The following SLC2A13 variants were observed in gnomAD, a reference collection of about 807,000 sequenced individuals.
SLC2A13 encodes solute carrier family 2 member 13, also known as proton myo-inositol cotransporter.
SLC2A13 carries 32 observed loss-of-function variants against 64.4 expected under a neutral mutation model. That is an observed-to-expected ratio of 0.50 (90% CI 0.37 to 0.67). SLC2A13 has a LOEUF of 0.67. SLC2A13 is among the 30% of genes least tolerant of loss of function. The pLI is 0.00. For missense variants in SLC2A13, 743 were observed against 829.2 expected (o/e 0.90, Z 1.28); for synonymous variants, 338 against 327.1 (o/e 1.03, Z -0.36).
intron 1 of SLC2A13, among the ~76,000 whole-genome samples, chr12:40,097,496 A>G (rs1370204712): frequency 2.0e-5 from 3 of 152,214 alleles, no homozygotes; most frequent in Non-Finnish European, 4.4e-5. Context: ...TATTCAGAAT[A>G]CATAAGGAAC....
chr12:40,069,423 C>G (rs1056751759), intron 1 of SLC2A13, among the ~76,000 whole-genome samples: 1 of 151,814 alleles, frequency 6.6e-6, no homozygotes, highest in African/African-American at 2.4e-5. Flanking sequence ...TGGGTGAAAA[C>G]TATGTGCATC....
intron 1 of SLC2A13, among the ~76,000 whole-genome samples, chr12:40,063,978 C>T (rs1411455525): frequency 1.3e-5 from 2 of 152,124 alleles, no homozygotes; most frequent in Non-Finnish European, 2.9e-5. Context: ...CATGGTGACT[C>T]ATGCCTGTAA....
At chr12:39,922,762 A>C (rs1181140724) in intron 4 of SLC2A13, among the ~76,000 whole-genome samples, 1 of 152,142 alleles carries the variant, frequency 6.6e-6, no homozygotes, top group East Asian at 1.9e-4. Flanking sequence ...TTCACTAAAT[A>C]CTGCCTCTAT....
chr12:39,834,813 C>T (rs1360548868), intron 6 of SLC2A13, among the ~76,000 whole-genome samples: 7 of 152,122 alleles, frequency 4.6e-5, no homozygotes, highest in African/African-American at 1.7e-4. Flanking sequence ...CAAAATTCTT[C>T]CAAATATTAC....
rs556615271 is a variant in SLC2A13 at position 39,759,332 on chromosome 12, C to CA, written c.*693dup. 71 of 151,154 alleles carry CA rather than the reference C, an allele frequency of 4.7e-4. No homozygotes were observed. Among genetic ancestry groups the CA allele is most frequent in the Middle Eastern group, 6.8e-3 (2 of 294 alleles). The allele number at this position is 151,154 out of a possible 1,614,324, so 9.4% of individuals were successfully genotyped here. A position where few individuals can be genotyped will look rare whatever the true frequency, so the allele number is the denominator to read the frequency against. On this transcript the variant is annotated 3_prime_UTR_variant, in exon 10 of 10. Transcript: ENST00000280871. The stretch of plus-strand genomic sequence containing the variant: ...GCAAATGTATGCCTTATCACTGATG[C>CA]AAAAAAAAGAAGTATGAAAACAACC...
At chr12:40,038,756 A>AAAAGGGAAAGGGAAGGGG (rs1480906319) in intron 2 of SLC2A13, among the ~76,000 whole-genome samples, 10 of 95,824 alleles carry the variant, frequency 1.0e-4, no homozygotes, top group Non-Finnish European at 8.1e-5. Context: ...AAAGAAAAGA[A>AAAAGGGAAAGGGAAGGGG]AAAGGGAAAG....
intron 3 of SLC2A13, among the ~76,000 whole-genome samples, chr12:39,984,810 G>C (rs1175694409): frequency 6.6e-6 from 1 of 152,118 alleles, no homozygotes; most frequent in Non-Finnish European, 1.5e-5. Flanking sequence ...TTACGGCTTT[G>C]TAAGTAGCAA....
rs763080488 is a variant in SLC2A13, at chr12:39,889,732, A to G, written c.1035-17771T>C. ...ATTTTTAGAGAGACGGGGTTTCACC[A>G]TGTTGGCCAGGATGGTCTTGATTTC... On this transcript the variant is annotated intron_variant, in intron 4 of 9. Coordinates refer to ENST00000280871, the MANE Select transcript of SLC2A13 (RefSeq NM_052885.4). Among the ~76,000 whole-genome samples the G allele has an allele frequency of 5.9e-5, 9 of 151,884 alleles. No homozygotes were observed. In the South Asian group the frequency reaches 8.4e-4, roughly 14 times the overall value.
intron 4 of SLC2A13, among the ~76,000 whole-genome samples, chr12:39,892,026 C>T (rs1944623360): frequency 2.0e-5 from 3 of 152,132 alleles, no homozygotes; most frequent in African/African-American, 7.2e-5. Context: ...TAATTCTACT[C>T]TCCTATAAAG....
At chr12:39,924,869 A>G (rs1174896591) in intron 4 of SLC2A13, among the ~76,000 whole-genome samples, 1 of 152,120 alleles carries the variant, frequency 6.6e-6, no homozygotes, top group East Asian at 1.9e-4. Context: ...AGTATGAAGA[A>G]TAAGTTTCTT....
rs1444996906 is a variant in SLC2A13, at chr12:40,105,888, C to A, written c.-80G>T. 6 of 1,262,724 alleles carry A rather than the reference C, an allele frequency of 4.8e-6. No homozygotes were observed. Among genetic ancestry groups the A allele is most frequent in the Non-Finnish European group, 6.0e-6 (6 of 1,002,128 alleles). 78.2% of individuals were successfully genotyped at this position (1,262,724 alleles called of 1,614,324 possible). A position where few individuals can be genotyped will look rare whatever the true frequency, so the allele number is the denominator to read the frequency against. ...CGGCGAGCTAGACAGCCCGAGCCGG[C>A]GGGAGCAACCGCCGCTGCCGCCGCT... On this transcript the variant is annotated 5_prime_UTR_variant, in exon 1 of 10. Transcript: ENST00000280871. This position sits in a 1 kb window ranked among gnomAD's most constrained non-coding sequence, Gnocchi z 4.2.
At chr12:40,017,406 T>G (rs765055338) in intron 3 of SLC2A13, among the ~76,000 whole-genome samples, 5 of 152,226 alleles carry the variant, frequency 3.3e-5, no homozygotes, top group Non-Finnish European at 1.5e-5. Flanking sequence ...TTTGTTTACC[T>G]GCTGTATAAA....
chr12:39,802,432 A>G (rs1941825675), intron 7 of SLC2A13: 1 of 152,228 alleles, frequency 6.6e-6, no homozygotes, highest in Non-Finnish European at 1.5e-5. Flanking sequence ...GCACAGAAGT[A>G]AGAGGAATAC....
chr12:39,940,432 G>A (rs1410578278), intron 4 of SLC2A13, among the ~76,000 whole-genome samples: 2 of 151,648 alleles, frequency 1.3e-5, no homozygotes, highest in Non-Finnish European at 2.9e-5. Flanking sequence ...AATACCAGCT[G>A]TGCTTGTTGA....
At chr12:39,822,002 C>T (rs1942529764) in intron 7 of SLC2A13, among the ~76,000 whole-genome samples, 1 of 151,834 alleles carries the variant, frequency 6.6e-6, no homozygotes, top group African/African-American at 2.4e-5. Context: ...ATGTGACATG[C>T]TGGTGCGCTG....
chr12:39,798,098 C>T (rs1941642824), intron 7 of SLC2A13, among the ~76,000 whole-genome samples: 1 of 152,118 alleles, frequency 6.6e-6, no homozygotes, highest in Admixed American at 6.5e-5. Context: ...AAGCTAGCTA[C>T]CATGTTATGA....
rs765482654 is a variant in SLC2A13 at position 39,928,716 on chromosome 12, GAT to G, written c.1034+22539_1034+22540del. 3.3e-5 allele frequency among the ~76,000 whole-genome samples: 5 copies of G among 152,138 alleles called. No homozygotes were observed. In the East Asian group the frequency reaches 9.6e-4, roughly 29 times the overall value. Reference sequence around the variant, plus strand: ...AAAGTAATTAAAGTTTGTATGCAAGGATAAAGAACATCAGACTGGAAGCTTTG... The same window carrying G: ...AAAGTAATTAAAGTTTGTATGCAAGGAAAGAACATCAGACTGGAAGCTTTG... On this transcript the variant is annotated intron_variant, in intron 4 of 9. Coordinates refer to ENST00000280871, the MANE Select transcript of SLC2A13 (RefSeq NM_052885.4).
At chr12:40,060,491 G>T (rs1317454068) in intron 1 of SLC2A13, among the ~76,000 whole-genome samples, 1 of 152,034 alleles carries the variant, frequency 6.6e-6, no homozygotes, top group Non-Finnish European at 1.5e-5. Context: ...ATGTACACTG[G>T]GTTGTTTTTT....
chr12:39,886,906 C>T (rs2173133), intron 4 of SLC2A13, among the ~76,000 whole-genome samples: 33,623 of 151,978 alleles, frequency 0.22, 4,060 homozygotes, highest in East Asian at 0.34. Flanking sequence ...CAAGTAGTGT[C>T]CAGATGTGTT....
Sources: allele counts gnomAD v4.1 joint callset (sites outside exome capture counted in the v4.1 genomes callset), GRCh38; gene constraint gnomAD v4.1.1; non-coding constraint Gnocchi (gnomAD v3.1); transcripts MANE v1.5; gene names NCBI Gene and HGNC (gene_info 2026-07-23, HGNC 2026-07-21).